Variants in PRKG1 observed in about 807,000 individuals in gnomAD.
PRKG1 encodes the protein protein kinase cGMP-dependent 1, also known as cGMP-dependent protein kinase 1.
Under a neutral mutation model 88.1 loss-of-function variants are expected in PRKG1, and 35 were observed. That is an observed-to-expected ratio of 0.40 (90% CI 0.30 to 0.53). The LOEUF (loss-of-function observed/expected upper bound fraction) is 0.53, where lower values mean the gene tolerates loss of function less well. PRKG1 is among the 20% of genes least tolerant of loss of function. PRKG1 has a pLI of 0.59. For missense variants in PRKG1, 540 were observed against 839.8 expected (o/e 0.64, Z 4.41); for synonymous variants, 303 against 292.5 (o/e 1.04, Z -0.37).
At chr10:51,950,130 A>G (rs1055992087) in intron 5 of PRKG1, among the ~76,000 whole-genome samples, 17 of 152,358 alleles carry the variant, frequency 1.1e-4, no homozygotes, top group Non-Finnish European at 5.9e-5. Flanking sequence ...TCATGAAAGT[A>G]TGTAAGACTC....
At chr10:51,082,385 CGG>C (rs1474484378) in intron 1 of PRKG1, among the ~76,000 whole-genome samples, 1 of 152,104 alleles carries the variant, frequency 6.6e-6, no homozygotes, top group African/African-American at 2.4e-5. Flanking sequence ...TAATGTAGGA[CGG>C]CGGTTCCCAA....
chr10:51,374,093 A>AAAAAAAAATATATATATAT, intron 2 of PRKG1, among the ~76,000 whole-genome samples: 4 of 100,144 alleles, frequency 4.0e-5, no homozygotes, highest in Non-Finnish European at 6.6e-5. Flanking sequence ...AAAAAAAAAA[A>AAAAAAAAATATATATATAT]ATATATATAT....
At chr10:52,107,395 TA>T in intron 7 of PRKG1, among the ~76,000 whole-genome samples, 1 of 152,158 alleles carries the variant, frequency 6.6e-6, no homozygotes, top group Non-Finnish European at 1.5e-5. Flanking sequence ...TAATAAAATC[TA>T]AATTATTAAT....
chr10:51,308,315 A>G (rs1285593614), intron 2 of PRKG1, among the ~76,000 whole-genome samples: 2 of 152,168 alleles, frequency 1.3e-5, no homozygotes, highest in African/African-American at 4.8e-5. Flanking sequence ...TGCCTGTTTC[A>G]CTATTTAGTC....
intron 2 of PRKG1, among the ~76,000 whole-genome samples, chr10:51,179,409 T>C (rs557768953): frequency 1.2e-4 from 18 of 152,352 alleles, no homozygotes; most frequent in African/African-American, 3.6e-4. Context: ...GGATAATATG[T>C]TGATAGGTCA....
chr10:51,482,433 C>T (rs1840389165), intron 3 of PRKG1, among the ~76,000 whole-genome samples: 1 of 152,092 alleles, frequency 6.6e-6, no homozygotes, highest in Non-Finnish European at 1.5e-5. Context: ...AGAATCAAAA[C>T]CACCTAAGTG....
At chr10:51,968,667 A>T (rs898072003) in intron 5 of PRKG1, among the ~76,000 whole-genome samples, 2 of 150,676 alleles carry the variant, frequency 1.3e-5, no homozygotes, top group Non-Finnish European at 2.9e-5. Context: ...CTGAAAATAC[A>T]AAAAAATTAG....
intron 1 of PRKG1, among the ~76,000 whole-genome samples, chr10:51,076,859 T>A (rs1201034471): frequency 6.6e-6 from 1 of 152,224 alleles, no homozygotes; most frequent in Non-Finnish European, 1.5e-5. Context: ...CAAACAACAC[T>A]GTGTGTCCTG....
At position 51,405,584 on chromosome 10, in the gene PRKG1, A is replaced by T. The variant is rs114298297; in HGVS notation, c.479-62139A>T. 2.4e-3 allele frequency among the ~76,000 whole-genome samples: 369 copies of T among 152,340 alleles called. 2 individuals carry two copies. The highest frequency in any genetic ancestry group is 8.7e-3 in the African/African-American group (361 of 41,576). On this transcript the variant is annotated intron_variant, in intron 2 of 17. Transcript: ENST00000373980. ...CATATCGGAAATTTGACCCTTAGACATTTACGTCTGGCACATATATGCAGG... is the reference window on the plus strand; with the variant it reads ...CATATCGGAAATTTGACCCTTAGACTTTTACGTCTGGCACATATATGCAGG...
intron 4 of PRKG1, among the ~76,000 whole-genome samples, chr10:51,833,000 A>G (rs1386832213): frequency 6.6e-6 from 1 of 152,168 alleles, no homozygotes. Flanking sequence ...GGGGTTCACA[A>G]TTGAAAATAG....
chr10:52,244,073 T>G (rs1226885895), intron 9 of PRKG1, among the ~76,000 whole-genome samples: 1 of 152,112 alleles, frequency 6.6e-6, no homozygotes, highest in East Asian at 1.9e-4. Context: ...AAATTACTTT[T>G]ACACTTTCTA....
intron 2 of PRKG1, among the ~76,000 whole-genome samples, chr10:51,354,542 T>C (rs1396577132): frequency 1.3e-5 from 2 of 152,088 alleles, no homozygotes; most frequent in Non-Finnish European, 2.9e-5. Flanking sequence ...AAAACTTCCA[T>C]ATATAATTAT....
intron 2 of PRKG1, among the ~76,000 whole-genome samples, chr10:51,279,643 G>A (rs975766522): frequency 6.6e-6 from 1 of 152,110 alleles, no homozygotes; most frequent in African/African-American, 2.4e-5. Context: ...GGCCTTCTTT[G>A]TCTCTTTTGA....
chr10:51,315,046 T>C (rs551965294), intron 2 of PRKG1, among the ~76,000 whole-genome samples: 10 of 152,332 alleles, frequency 6.6e-5, no homozygotes, highest in African/African-American at 2.2e-4. Flanking sequence ...AGAACAAAGT[T>C]TGTAATGAGA....
At chr10:52,190,786 A>ACC (rs1230197828) in intron 9 of PRKG1, among the ~76,000 whole-genome samples, 3 of 152,090 alleles carry the variant, frequency 2.0e-5, no homozygotes, top group Non-Finnish European at 2.9e-5. Context: ...GGTGCAATGG[A>ACC]CCCCTTCCCT....
intron 2 of PRKG1, chr10:51,299,743 A>T (rs983983404): frequency 7.7e-6 from 3 of 387,354 alleles, no homozygotes; most frequent in South Asian, 5.6e-5. Flanking sequence ...CCTCTCAATG[A>T]CATTATAAGC....
At chr10:52,160,792 G>T (rs11819346) in intron 8 of PRKG1, among the ~76,000 whole-genome samples, 7,358 of 152,006 alleles carry the variant, frequency 0.048, 496 homozygotes, top group African/African-American at 0.16. Flanking sequence ...GGATTAAAAT[G>T]AAATGTAATT....
chr10:52,029,708 G>A (rs1203257217), intron 5 of PRKG1, among the ~76,000 whole-genome samples: 1 of 152,122 alleles, frequency 6.6e-6, no homozygotes, highest in African/African-American at 2.4e-5. Context: ...CATATTCAGG[G>A]AAAGGTCTAG....
chr10:51,527,644 C>A (rs184713057), intron 3 of PRKG1, among the ~76,000 whole-genome samples: 1 of 152,114 alleles, frequency 6.6e-6, no homozygotes, highest in Non-Finnish European at 1.5e-5. Flanking sequence ...GTGTTCTAGA[C>A]GTTATAGAGC....
Sources: allele counts gnomAD v4.1 joint callset (sites outside exome capture counted in the v4.1 genomes callset), GRCh38; gene constraint gnomAD v4.1.1; transcripts MANE v1.5; gene names NCBI Gene and HGNC (gene_info 2026-07-23, HGNC 2026-07-21).